The following DUSP1 variants were observed in gnomAD, a reference collection of about 807,000 sequenced individuals.
DUSP1 encodes dual specificity phosphatase 1.
In DUSP1, 10 loss-of-function variants were observed where a neutral mutation model predicts 27.4. The ratio of observed to expected loss-of-function variants is 0.37; its 90% CI spans 0.23 to 0.62. The LOEUF (loss-of-function observed/expected upper bound fraction) is 0.62. Among genes scored for constraint, DUSP1 ranks in the 20% least tolerant of loss-of-function variants. The pLI, the probability that DUSP1 is intolerant of heterozygous loss-of-function variation, is 0.68. For synonymous variants in DUSP1, 262 were observed against 223.6 expected (o/e 1.17, Z -1.53); for missense variants, 425 against 508.1 (o/e 0.84, Z 1.57).
rs1581472024 is a variant in DUSP1 at position 172,768,592 on chromosome 5, G to A, written c.*170C>T. On this transcript the variant is annotated 3_prime_UTR_variant, in exon 4 of 4. Transcript: ENST00000239223. ...CCCGAATGTGCTGAGTTCAGCAAAT[G>A]TCTTGACGCTAAGTCATCACCATAA... 4 of 904,478 alleles carry A rather than the reference G, an allele frequency of 4.4e-6. No individual in the cohort carries two copies. The highest frequency in any genetic ancestry group is 1.7e-5 in the African/African-American group (1 of 58,112). The allele number at this position is 904,478 out of a possible 1,614,324, so 56.0% of individuals were successfully genotyped here. A position where few individuals can be genotyped will look rare whatever the true frequency, so the allele number is the denominator to read the frequency against.
chr5:172,770,966 G>C lies in DUSP1; in HGVS notation c.-14C>G. The C allele has an allele frequency of 1.4e-6, 2 of 1,464,338 alleles. No homozygotes were observed. The highest frequency in any genetic ancestry group is 4.8e-5 in the Admixed American group (2 of 41,960). 90.7% of individuals were successfully genotyped at this position (1,464,338 alleles called of 1,614,324 possible). A position where few individuals can be genotyped will look rare whatever the true frequency, so the allele number is the denominator to read the frequency against. ...TTCCATGACCATGGCCGGCCTCAGC[G>C]CCCCCAGCGTGATCGGCCCTGCGGT... is the stretch of plus-strand genomic sequence containing the variant. On this transcript the variant is annotated 5_prime_UTR_variant, in exon 1 of 4. Coordinates refer to ENST00000239223, the MANE Select transcript of DUSP1 (RefSeq NM_004417.4).
intron 3 of DUSP1, 143 bp from the exon 4 acceptor site, chr5:172,769,275 A>G: frequency 7.5e-7 from 1 of 1,333,336 alleles, no homozygotes; most frequent in Non-Finnish European, 1.0e-6. Flanking sequence ...GATACTGTTC[A>G]TGGAGGCAAC....
chr5:172,770,794 C>G lies in DUSP1; in HGVS notation c.159G>C (p.Arg53=), dbSNP rs1169313192. The G allele has an allele frequency of 6.6e-6, 10 of 1,509,596 alleles. No individual in the cohort carries two copies. The South Asian group carries it at 9.9e-5, about 15-fold the overall frequency. 93.5% of individuals were successfully genotyped at this position (1,509,596 alleles called of 1,614,324 possible). A position where few individuals can be genotyped will look rare whatever the true frequency, so the allele number is the denominator to read the frequency against. Residue 53 remains arginine (R), a synonymous_variant, in exon 1 of 4, where the codon CGG becomes CGC. Coordinates refer to ENST00000239223, the MANE Select transcript of DUSP1 (RefSeq NM_004417.4). ...SVNVRFSTIV[R]RRAKGAMGLE... ...GGCCCATGGCGCCCTTGGCCCGGCG[C>G]CGCACGATGGTGCTGAAGCGCACGT...
Position 172,768,983 on chromosome 5 carries a change from T to C in DUSP1, c.883A>G (p.Ile295Val). The change falls in exon 4 of 4, where the codon ATC becomes GTC. Residue 295 changes from isoleucine (I) to valine (V), a missense_variant. Ile to Val is a conservative substitution (Grantham distance 29). This residue lies in a region of DUSP1 where 59 missense variants were observed against 108.4 expected (regional missense o/e 0.54). Coordinates refer to ENST00000239223, the MANE Select transcript of DUSP1 (RefSeq NM_004417.4). ...CCCATGAAGCTGAAGTTGGGAGAGA[T>C]GATGCTTCGCCTCTGCTTCACAAAC... Reference protein sequence around the residue: ...FEFVKQRRSIISPNFSFMGQL... With the variant: ...FEFVKQRRSIVSPNFSFMGQL... 2.5e-6 allele frequency: 4 copies of C among 1,614,220 alleles called. No individual in the cohort carries two copies. The highest frequency in any genetic ancestry group is 3.4e-6 in the Non-Finnish European group (4 of 1,180,030).
chr5:172,770,608 G>C lies in DUSP1; in HGVS notation c.345C>G (p.Ala115=). The change falls in exon 1 of 4, where the codon GCC becomes GCG. Residue 115 remains alanine (A), a synonymous_variant. Transcript: ENST00000239223. ...AAGALCREAR[A]AQVFFLKGGY... is the part of the protein sequence containing the mutation. Reference sequence around the variant, plus strand: ...TACCTTTGAGGAAGAAGACTTGCGCGGCGCGCGCCTCGCGGCAGAGCGCGC... The same window carrying C: ...TACCTTTGAGGAAGAAGACTTGCGCCGCGCGCGCCTCGCGGCAGAGCGCGC... 4.4e-6 allele frequency: 6 copies of C among 1,350,578 alleles called. No homozygotes were observed. The highest frequency in any genetic ancestry group is 5.7e-6 in the Non-Finnish European group (6 of 1,057,708). 83.7% of individuals were successfully genotyped at this position (1,350,578 alleles called of 1,614,324 possible). A position where few individuals can be genotyped will look rare whatever the true frequency, so the allele number is the denominator to read the frequency against.
chr5:172,769,089 C>T lies in DUSP1; in HGVS notation c.777G>A (p.Gln259=), dbSNP rs372415052. 1.5e-4 allele frequency: 240 copies of T among 1,613,100 alleles called. No individual in the cohort carries two copies. The highest frequency in any genetic ancestry group is 2.0e-4 in the Non-Finnish European group (237 of 1,179,992). ...TGGTGGCTGACCGGGAAATGCCTGC[C>T]TGGCAGTGGACAAACACCCTTCCTC... ...NAGGRVFVHC[Q]AGISRSATIC... The change falls in exon 4 of 4, where the codon CAG becomes CAA. Residue 259 remains glutamine (Q), a synonymous_variant. Transcript: ENST00000239223.
chr5:172,770,328 T>C, intron 1 of DUSP1, 22 bp from the exon 2 acceptor site: 3 of 1,610,484 alleles, frequency 1.9e-6, no homozygotes, highest in Non-Finnish European at 2.5e-6. Context: ...AAGACATTTT[T>C]TTTCCCCATT....
chr5:172,769,554 C>A, intron 3 of DUSP1, 21 bp downstream of exon 3: 1 of 1,613,214 alleles, frequency 6.2e-7, no homozygotes, highest in Non-Finnish European at 8.5e-7. Flanking sequence ...CAGAAAAGCC[C>A]CAGGCATCCA....
chr5:172,768,581 G>T lies in DUSP1; in HGVS notation c.*181C>A. 2 of 790,106 alleles carry T rather than the reference G, an allele frequency of 2.5e-6. No individual in the cohort carries two copies. The highest frequency in any genetic ancestry group is 1.8e-6 in the Non-Finnish European group (1 of 566,888). 48.9% of individuals were successfully genotyped at this position (790,106 alleles called of 1,614,324 possible). Reference sequence around the variant, plus strand: ...TATATATTGGTCCCGAATGTGCTGAGTTCAGCAAATGTCTTGACGCTAAGT... The same window carrying T: ...TATATATTGGTCCCGAATGTGCTGATTTCAGCAAATGTCTTGACGCTAAGT... On this transcript the variant is annotated 3_prime_UTR_variant, in exon 4 of 4. Coordinates refer to ENST00000239223, the MANE Select transcript of DUSP1 (RefSeq NM_004417.4).
chr5:172,768,733 A>G lies in DUSP1; in HGVS notation c.*29T>C. The G allele has an allele frequency of 6.7e-7, 1 of 1,498,212 alleles. No individual in the cohort carries two copies. The highest frequency in any genetic ancestry group is 2.3e-5 in the East Asian group (1 of 42,704). The allele number at this position is 1,498,212 out of a possible 1,614,324, so 92.8% of individuals were successfully genotyped here. A position where few individuals can be genotyped will look rare whatever the true frequency, so the allele number is the denominator to read the frequency against. On this transcript the variant is annotated 3_prime_UTR_variant, in exon 4 of 4. Transcript: ENST00000239223. The stretch of plus-strand genomic sequence containing the variant: ...TCAAGGAGCATGGAGTCCCAATGGG[A>G]TGTGAAGAGCCTCACCTCCCGTGGC...
chr5:172,769,862 A>G (rs1250163707), intron 2 of DUSP1, 68 bp from the exon 3 acceptor site: 1 of 1,525,676 alleles, frequency 6.6e-7, no homozygotes, highest in Admixed American at 2.0e-5. Flanking sequence ...CATACCCACA[A>G]AAACTTTCTG....
At chr5:172,770,039 T>C in intron 2 of DUSP1, 122 bp downstream of exon 2, 1 of 1,398,266 alleles carries the variant, frequency 7.2e-7, no homozygotes, top group Non-Finnish European at 9.6e-7. Flanking sequence ...GAATAAATCA[T>C]ATCCCTGTGT....
chr5:172,768,624 A>G lies in DUSP1; in HGVS notation c.*138T>C. 2.5e-6 allele frequency: 3 copies of G among 1,218,474 alleles called. No individual in the cohort carries two copies. The highest frequency in any genetic ancestry group is 3.2e-6 in the Non-Finnish European group (3 of 932,608). The allele number at this position is 1,218,474 out of a possible 1,614,324, so 75.5% of individuals were successfully genotyped here. ...CGCTAAGTCATCACCATAACTGCTT[A>G]GAAACCCAGAGGAACTCGGGTGAAG... On this transcript the variant is annotated 3_prime_UTR_variant, in exon 4 of 4. Transcript: ENST00000239223.
In DUSP1 at chr5:172,769,771, G is replaced by A; in HGVS notation, c.537C>T (p.Pro179=). The change falls in exon 3 of 4, where the codon CCC becomes CCT. Residue 179 remains proline, a synonymous_variant. Transcript: ENST00000239223. The part of the protein sequence containing the change: ...YDQGGPVEIL[P]FLYLGSAYHA... ...GATACGCACTGCCCAGGTACAGAAAGGGCAGGATTTCCACCGGGCCACCCT... is the reference window on the plus strand; with the variant it reads ...GATACGCACTGCCCAGGTACAGAAAAGGCAGGATTTCCACCGGGCCACCCT... 1 of 1,614,094 alleles carries A rather than the reference G, an allele frequency of 6.2e-7. No individual in the cohort carries two copies. Among genetic ancestry groups the A allele is most frequent in the Non-Finnish European group, 8.5e-7 (1 of 1,180,026 alleles).
Position 172,768,923 on chromosome 5 carries a change from G to A in DUSP1, c.943C>T (p.Pro315Ser), listed in dbSNP as rs774834828. 1.2e-6 allele frequency: 2 copies of A among 1,614,154 alleles called. No individual in the cohort carries two copies. The highest frequency in any genetic ancestry group is 8.5e-7 in the Non-Finnish European group (1 of 1,180,018). The stretch of plus-strand genomic sequence containing the variant: ...CTCCCAGCCTCTGCCGAACAGTGCG[G>A]AGCCAGCACCTGGGACTCAAACTGC... ...LLQFESQVLA[P>S]HCSAEAGSPA... The change falls in exon 4 of 4, where the codon CCG becomes TCG. Residue 315 changes from proline to serine, a missense_variant. This residue lies in a region of DUSP1 where 84 missense variants were observed against 80.5 expected (regional missense o/e 1.04). Transcript: ENST00000239223.
chr5:172,770,434 A>G (rs1035046256), intron 1 of DUSP1, 128 bp from the exon 2 acceptor site: 90 of 1,535,150 alleles, frequency 5.9e-5, no homozygotes, highest in Middle Eastern at 2.3e-4. Flanking sequence ...TTGTTTCCAG[A>G]GCCAAACAAA....
intron 1 of DUSP1, 47 bp from the exon 2 acceptor site, chr5:172,770,353 A>C (rs1308162700): frequency 6.2e-7 from 1 of 1,608,108 alleles, no homozygotes; most frequent in East Asian, 2.3e-5. Context: ...ACACCGGGAC[A>C]CGGCACCTTC....
In DUSP1 at chr5:172,770,119, G is replaced by T. The variant is rs200009274; in HGVS notation, c.513+42C>A. 36 of 1,533,130 alleles carry T rather than the reference G, an allele frequency of 2.3e-5. No homozygotes were observed. In the East Asian group the frequency reaches 5.7e-4, roughly 24 times the overall value. 95.0% of individuals were successfully genotyped at this position (1,533,130 alleles called of 1,614,324 possible). Reference sequence around the variant, plus strand: ...CCTGGCACTACTCTTCCATGCCTTTGCCAGTTCTTACTTCTTCCCTGTGGC... The same window carrying T: ...CCTGGCACTACTCTTCCATGCCTTTTCCAGTTCTTACTTCTTCCCTGTGGC... On this transcript the variant is annotated intron_variant, in intron 2 of 3. Transcript: ENST00000239223.
At chr5:172,769,947 C>T (rs1759857693) in intron 2 of DUSP1, among the ~76,000 whole-genome samples, 153 bp from the exon 3 acceptor site, 2 of 152,240 alleles carry the variant, frequency 1.3e-5, no homozygotes, top group African/African-American at 2.4e-5. Context: ...GAACTAAGCC[C>T]ATTTGCCTGG....
Sources: gnomAD v4.1 joint callset for allele counts (sites outside exome capture counted in the v4.1 genomes callset) on GRCh38, gnomAD v4.1.1 for gene constraint, gnomAD v4.1.1 regional missense constraint, MANE v1.5 for transcripts, NCBI Gene and HGNC (gene_info 2026-07-23, HGNC 2026-07-21) for gene names.